The following TNRC6B variants were observed in gnomAD, a reference collection of about 807,000 sequenced individuals.
TNRC6B encodes trinucleotide repeat containing adaptor 6B.
A neutral mutation model predicts 203.6 loss-of-function variants in TNRC6B; 52 were observed. The observed-to-expected ratio is 0.26, with a 90% CI of 0.20 to 0.32. The LOEUF is 0.32. Among genes scored for constraint, TNRC6B ranks in the 10% least tolerant of loss-of-function variants. The pLI is 1.00. For synonymous variants in TNRC6B, 838 were observed against 845.7 expected, an observed-to-expected ratio of 0.99 and a Z score of 0.16; for missense variants, 1,923 against 2,286.2, an observed-to-expected ratio of 0.84 and a Z score of 3.24.
intron 1 of TNRC6B, among the ~76,000 whole-genome samples, chr22:40,200,721 T>C (rs867126212): frequency 5.3e-5 from 8 of 152,164 alleles, no homozygotes; most frequent in Middle Eastern, 3.2e-3. Context: ...ATATATGTTG[T>C]AGGTCATATT....
rs78817490 is a variant in TNRC6B at position 40,265,145 on chromosome 22, T to C, written c.915T>C (p.Asn305=). The change falls in exon 5 of 23, where the codon AAT becomes AAC. Residue 305 remains asparagine (N), a synonymous_variant. Transcript: ENST00000454349. ...CTGGCTTCAGCAACTTTAACCCAAATAGCAACCCATCTGCCTGGCCAGCAC... is the reference window on the plus strand; with the variant it reads ...CTGGCTTCAGCAACTTTAACCCAAACAGCAACCCATCTGCCTGGCCAGCAC... ...PGSGFSNFNP[N]SNPSAWPALV... 9,915 of 1,613,864 alleles carry C rather than the reference T, an allele frequency of 6.1e-3. 43 individuals carry two copies. The highest frequency in any genetic ancestry group is 7.7e-3 in the Non-Finnish European group (9,112 of 1,179,888).
intron 3 of TNRC6B, among the ~76,000 whole-genome samples, chr22:40,255,663 T>C (rs1021317278): frequency 6.6e-6 from 1 of 152,184 alleles, no homozygotes; most frequent in African/African-American, 2.4e-5. Flanking sequence ...TAATGAGGAC[T>C]TGAACCCGAT....
intron 1 of TNRC6B, among the ~76,000 whole-genome samples, chr22:40,202,710 A>T (rs1368792710): frequency 6.6e-6 from 1 of 152,058 alleles, no homozygotes; most frequent in African/African-American, 2.4e-5. Flanking sequence ...TAGTCCTTGA[A>T]GGTGTATCAG....
intron 3 of TNRC6B, among the ~76,000 whole-genome samples, chr22:40,154,862 T>A (rs5757863): frequency 0.06 from 1,480 of 24,490 alleles, 16 homozygotes; most frequent in East Asian, 0.11. Flanking sequence ...AAAAAAAAAA[T>A]ATATATATAT....
chr22:40,292,763 A>G (rs956815148), intron 12 of TNRC6B, among the ~76,000 whole-genome samples: 4 of 152,166 alleles, frequency 2.6e-5, no homozygotes, highest in African/African-American at 9.7e-5. Context: ...TACATTTGCA[A>G]TCCTAAGAAA....
At chr22:40,156,314 G>GGCTGCAT (rs1310660861) in intron 4 of TNRC6B, 2 of 792,854 alleles carry the variant, frequency 2.5e-6, no homozygotes, top group Non-Finnish European at 4.0e-6. Flanking sequence ...TTGCTTTGGT[G>GGCTGCAT]GCTGTTAATG....
chr22:40,227,079 ATTATTATT>A (rs2069798347), intron 1 of TNRC6B, among the ~76,000 whole-genome samples: 4 of 8,614 alleles, frequency 4.6e-4, no homozygotes, highest in African/African-American at 1.7e-3. Context: ...CCAGCTAATT[ATTATTATT>A]ATTATTATTA....
At chr22:40,172,712 T>C (rs1449743319) in intron 4 of TNRC6B, among the ~76,000 whole-genome samples, 1 of 152,222 alleles carries the variant, frequency 6.6e-6, no homozygotes, top group Non-Finnish European at 1.5e-5. Context: ...TTTCCTTTTA[T>C]CCTTACACCT....
intron 1 of TNRC6B, among the ~76,000 whole-genome samples, chr22:40,196,332 G>A (rs1569016414): frequency 6.6e-6 from 1 of 150,462 alleles, no homozygotes; most frequent in Admixed American, 6.6e-5. Flanking sequence ...TGTAGAGGTG[G>A]GGCTTTCTAA....
intron 2 of TNRC6B, among the ~76,000 whole-genome samples, chr22:40,124,357 C>T (rs550521989): frequency 2.1e-4 from 31 of 144,252 alleles, no homozygotes; most frequent in African/African-American, 7.3e-4. Context: ...GGGTCTCACT[C>T]TGTTGCCAAG....
chr22:40,154,860 A>AAAAAAAAT (rs1555885936), intron 3 of TNRC6B, among the ~76,000 whole-genome samples: 1 of 23,586 alleles, frequency 4.2e-5, no homozygotes, highest in Non-Finnish European at 6.2e-5. Context: ...AAAAAAAAAA[A>AAAAAAAAT]ATATATATAT....
At chr22:40,046,645 ATTT>A (rs754235884) in intron 1 of TNRC6B, among the ~76,000 whole-genome samples, 1 of 130,822 alleles carries the variant, frequency 7.6e-6, no homozygotes. Context: ...CAGAGTCTCA[ATTT>A]TTTTTTTTTT....
intron 9 of TNRC6B, among the ~76,000 whole-genome samples, chr22:40,279,082 G>A (rs997988454): frequency 1.3e-5 from 2 of 152,122 alleles, no homozygotes; most frequent in African/African-American, 4.8e-5. Context: ...CTCTTAAAAT[G>A]CTCTATGGGG....
chr22:40,129,408 C>T (rs1380186924), intron 3 of TNRC6B, among the ~76,000 whole-genome samples: 5 of 152,102 alleles, frequency 3.3e-5, no homozygotes, highest in Admixed American at 2.0e-4. Context: ...TGAGAAGGCA[C>T]GTGCAGCTGT....
rs887853397 is a variant in TNRC6B at position 40,280,281 on chromosome 22, G to C, written c.3411+138G>C. ...AAACACAAACATCACCTGCATTAAC[G>C]TGGTGACCTGAAAACCATTGATGTC... On this transcript the variant is annotated intron_variant, in intron 10 of 22. Transcript: ENST00000454349. 1.3e-4 allele frequency: 106 copies of C among 795,722 alleles called. 1 individual carries two copies. The highest frequency in any genetic ancestry group is 2.9e-5 in the Admixed American group (1 of 34,968). 49.3% of individuals were successfully genotyped at this position (795,722 alleles called of 1,614,324 possible). A position where few individuals can be genotyped will look rare whatever the true frequency, so the allele number is the denominator to read the frequency against.
At chr22:40,152,535 A>G (rs1012426477) in intron 3 of TNRC6B, among the ~76,000 whole-genome samples, 75 of 152,062 alleles carry the variant, frequency 4.9e-4, no homozygotes, top group Admixed American at 8.5e-4. Flanking sequence ...TCACCATGTT[A>G]GCCAGGATGG....
intron 17 of TNRC6B, among the ~76,000 whole-genome samples, chr22:40,311,842 C>A (rs2071188735): frequency 6.6e-6 from 1 of 152,208 alleles, no homozygotes; most frequent in Non-Finnish European, 1.5e-5. Flanking sequence ...CACGCCCGGC[C>A]AAAGTAGAAC....
intron 17 of TNRC6B, among the ~76,000 whole-genome samples, chr22:40,311,482 C>T (rs2071180096): frequency 6.6e-6 from 1 of 151,780 alleles, no homozygotes; most frequent in African/African-American, 2.4e-5. Flanking sequence ...CCTCCTAGAC[C>T]TCTTTCTGTG....
chr22:40,061,907 C>G (rs960956213), intron 1 of TNRC6B, among the ~76,000 whole-genome samples: 3 of 151,948 alleles, frequency 2.0e-5, no homozygotes, highest in South Asian at 2.1e-4. Context: ...AACCTTGTCT[C>G]TACTAAAAAT....
Sources: gnomAD v4.1 joint callset for allele counts (sites outside exome capture counted in the v4.1 genomes callset) on GRCh38, gnomAD v4.1.1 for gene constraint, MANE v1.5 for transcripts, NCBI Gene and HGNC (gene_info 2026-07-23, HGNC 2026-07-21) for gene names.